The following PIEZO2 variants were observed in gnomAD, a reference collection of about 807,000 sequenced individuals.
PIEZO2 encodes the protein piezo type mechanosensitive ion channel component 2, also known as piezo-type mechanosensitive ion channel component 2.
PIEZO2 carries 172 observed loss-of-function variants against 337.3 expected under a neutral mutation model. The ratio of observed to expected loss-of-function variants is 0.51; its 90% confidence interval spans 0.45 to 0.58. The LOEUF is 0.58. PIEZO2 is among the 20% of genes least tolerant of loss of function. The pLI, the probability that PIEZO2 is intolerant of heterozygous loss-of-function variation, is 0.00. For missense variants in PIEZO2, 3,028 were observed against 3,391.3 expected, an observed-to-expected ratio of 0.89 and a Z score of 2.66; for synonymous variants, 1,251 against 1,228.5, an observed-to-expected ratio of 1.02 and a Z score of -0.38.
chr18:10,868,842 T>G (rs977617872), intron 5 of PIEZO2, among the ~76,000 whole-genome samples: 1 of 152,216 alleles, frequency 6.6e-6, no homozygotes, highest in Non-Finnish European at 1.5e-5. Context: ...GGCTTTTTAT[T>G]GATCAATGTA....
Position 10,784,349 on chromosome 18 carries a change from T to C in PIEZO2, c.2492+435A>G, listed in dbSNP as rs973913784. Among the ~76,000 whole-genome samples, 1 of 152,232 alleles carries C rather than the reference T, an allele frequency of 6.6e-6. No homozygotes were observed. The highest frequency in any genetic ancestry group is 1.5e-5 in the Non-Finnish European group (1 of 68,040). ...CTGTTTTTTCAGCCAAAGTTCTTTA[T>C]TTCCAAAGTGGAAGGGAAAACTGCC... On this transcript the variant is annotated intron_variant, in intron 17 of 55. Coordinates refer to ENST00000674853, the MANE Select transcript of PIEZO2 (RefSeq NM_001378183.1). This position sits in a 1 kb window ranked among gnomAD's most constrained non-coding sequence, Gnocchi z 4.5.
rs1337077520 is a variant in PIEZO2, at chr18:10,716,541, T to G, written c.5090-725A>C. Reference sequence around the variant, plus strand: ...GAAGCAAGGAAAAGAGCGGGTATCTTTTGCTGAGCAAGGAGGCACAGGAAG... The same window carrying G: ...GAAGCAAGGAAAAGAGCGGGTATCTGTTGCTGAGCAAGGAGGCACAGGAAG... On this transcript the variant is annotated intron_variant, in intron 37 of 55. Coordinates refer to ENST00000674853, the MANE Select transcript of PIEZO2 (RefSeq NM_001378183.1). The surrounding 1 kb of genome is among the most constrained non-coding windows in gnomAD (Gnocchi z 4.1). Among the ~76,000 whole-genome samples the G allele has an allele frequency of 6.6e-6, 1 of 152,118 alleles. No individual in the cohort carries two copies. Among genetic ancestry groups the G allele is most frequent in the Non-Finnish European group, 1.5e-5 (1 of 68,034 alleles).
rs1215606513 is a variant in PIEZO2, at chr18:10,787,116, C to T, written c.2238G>A (p.Leu746=). The T allele has an allele frequency of 6.5e-7, 1 of 1,535,502 alleles. No homozygotes were observed. The change falls in exon 16 of 56, where the codon CTG becomes CTA. Residue 746 remains leucine, a synonymous_variant. Coordinates refer to ENST00000674853, the MANE Select transcript of PIEZO2 (RefSeq NM_001378183.1). ...FWMSVVIYTM[L]VLIFIYTYQF... ...GATATGTGTATATAAAGATAAGCAC[C>T]AGCATAGTGTAAATAACCACTGACA...
rs2036004361 is a variant in PIEZO2, at chr18:10,716,181, TC to T, written c.5090-366del. On this transcript the variant is annotated intron_variant, in intron 37 of 55. Coordinates refer to ENST00000674853, the MANE Select transcript of PIEZO2 (RefSeq NM_001378183.1). This position sits in a 1 kb window ranked among gnomAD's most constrained non-coding sequence, Gnocchi z 4.1. ...TCCAAATGTGCCTGCCTCTTCTGTT[TC>T]CCCTTCCACCTTCTCTCCTCCACCT... Among the ~76,000 whole-genome samples, 1 of 152,130 alleles carries T rather than the reference TC, an allele frequency of 6.6e-6. No individual in the cohort carries two copies. The highest frequency in any genetic ancestry group is 1.5e-5 in the Non-Finnish European group (1 of 68,028).
Position 10,770,246 on chromosome 18 carries a change from C to A in PIEZO2, c.2848G>T (p.Glu950Ter). The A allele has an allele frequency of 6.5e-7, 1 of 1,537,632 alleles. No homozygotes were observed. The highest frequency in any genetic ancestry group is 8.7e-7 in the Non-Finnish European group (1 of 1,146,964). Residue 950 changes from glutamate (E) to a stop codon, truncating the protein, a stop_gained, in exon 21 of 56, where the codon GAG (glutamate) becomes TAG (stop). Transcript: ENST00000674853. LOFTEE classifies it high-confidence loss of function. ...AACACCTGCAGCTTGTGAAAATACT[C>A]CAGGAATTTTAAGAAGAGCACAGTG... Reference protein sequence around the residue: ...RLTVLFLKFLEYFHKLQVFMW... With the variant: ...RLTVLFLKFL
At chr18:10,931,631 G>A (rs1255065030) in intron 3 of PIEZO2, among the ~76,000 whole-genome samples, 2 of 151,856 alleles carry the variant, frequency 1.3e-5, no homozygotes, top group Non-Finnish European at 2.9e-5. Context: ...TTAACAAGTT[G>A]TTACATATCC....
chr18:11,148,592 G>T lies in PIEZO2; in HGVS notation c.-4C>A. On this transcript the variant is annotated 5_prime_UTR_variant, in exon 1 of 56. Coordinates refer to ENST00000674853, the MANE Select transcript of PIEZO2 (RefSeq NM_001378183.1). This position sits in a 1 kb window ranked among gnomAD's most constrained non-coding sequence, Gnocchi z 5.2. The stretch of plus-strand genomic sequence containing the variant: ...CGCACACCACTTCTGAGGCCATCGC[G>T]TCGGTCCGGCGAGTCGGAGCAGAGG... 6.5e-7 allele frequency: 1 copy of T among 1,537,080 alleles called. No individual in the cohort carries two copies. Among genetic ancestry groups the T allele is most frequent in the Non-Finnish European group, 8.7e-7 (1 of 1,146,870 alleles).
intron 40 of PIEZO2, among the ~76,000 whole-genome samples, chr18:10,706,868 C>T (rs531806379): frequency 5.6e-4 from 86 of 152,288 alleles, no homozygotes; most frequent in Non-Finnish European, 9.6e-4. Flanking sequence ...CTGAATGGCA[C>T]GTGTGACCAC....
intron 4 of PIEZO2, 63 bp from the exon 5 acceptor site, chr18:10,871,478 G>A (rs1900024330): frequency 1.4e-6 from 2 of 1,390,476 alleles, no homozygotes; most frequent in Non-Finnish European, 1.9e-6. Flanking sequence ...CGGTTAAACT[G>A]CCTTATAGGA....
At chr18:10,917,962 A>G (rs1192170459) in intron 3 of PIEZO2, among the ~76,000 whole-genome samples, 1 of 152,222 alleles carries the variant, frequency 6.6e-6, no homozygotes, top group Non-Finnish European at 1.5e-5. Context: ...TTTACCATGC[A>G]TTGAACACTG....
intron 1 of PIEZO2, among the ~76,000 whole-genome samples, chr18:11,095,119 C>A (rs1216962978): frequency 6.6e-6 from 1 of 152,190 alleles, no homozygotes; most frequent in East Asian, 1.9e-4. Context: ...GAGAGATTCC[C>A]AAGTTTGCTA....
At chr18:10,922,338 C>T (rs899246177) in intron 3 of PIEZO2, among the ~76,000 whole-genome samples, 7 of 152,072 alleles carry the variant, frequency 4.6e-5, no homozygotes, top group African/African-American at 1.7e-4. Context: ...ACTGTCGGGG[C>T]AGATTCCCTG....
chr18:11,098,924 C>T (rs1203571959), intron 1 of PIEZO2, among the ~76,000 whole-genome samples: 3 of 151,792 alleles, frequency 2.0e-5, no homozygotes, highest in African/African-American at 4.8e-5. Context: ...CAACCTCTCA[C>T]GTAGCTGGGA....
chr18:10,898,972 T>C (rs1405997997), intron 4 of PIEZO2, among the ~76,000 whole-genome samples: 1 of 152,078 alleles, frequency 6.6e-6, no homozygotes, highest in Non-Finnish European at 1.5e-5. Flanking sequence ...CAATGAAGGA[T>C]GCAATCAACT....
intron 17 of PIEZO2, among the ~76,000 whole-genome samples, chr18:10,782,210 AT>A (rs1440188153): frequency 8.2e-5 from 11 of 134,178 alleles, no homozygotes; most frequent in South Asian, 2.1e-4. Flanking sequence ...ATATCATATA[AT>A]TATATATATC....
At chr18:11,046,095 C>T (rs753815462) in intron 2 of PIEZO2, among the ~76,000 whole-genome samples, 1 of 152,190 alleles carries the variant, frequency 6.6e-6, no homozygotes, top group Admixed American at 6.5e-5. Flanking sequence ...CCTCCTCCCC[C>T]AATCAACTGG....
intron 3 of PIEZO2, among the ~76,000 whole-genome samples, chr18:10,964,905 C>G (rs1175776358): frequency 6.6e-6 from 1 of 152,156 alleles, no homozygotes; most frequent in Non-Finnish European, 1.5e-5. Context: ...TTCAAGGTTC[C>G]TCTATGTTAT....
intron 7 of PIEZO2, among the ~76,000 whole-genome samples, chr18:10,835,606 C>T (rs1377516498): frequency 8.6e-5 from 13 of 151,302 alleles, no homozygotes; most frequent in Admixed American, 3.3e-4. Flanking sequence ...TGCAGTGGCG[C>T]GATCTCGGTT....
chr18:10,875,830 T>G (rs1262061732), intron 4 of PIEZO2, among the ~76,000 whole-genome samples: 1 of 152,170 alleles, frequency 6.6e-6, no homozygotes, highest in Non-Finnish European at 1.5e-5. Flanking sequence ...AAGAGACATT[T>G]TATAACACAC....
Sources: gnomAD v4.1 joint callset for allele counts (sites outside exome capture counted in the v4.1 genomes callset) on GRCh38, gnomAD v4.1.1 for gene constraint, Gnocchi (gnomAD v3.1) non-coding constraint, MANE v1.5 for transcripts, NCBI Gene and HGNC (gene_info 2026-07-23, HGNC 2026-07-21) for gene names.